ZBTB16: variants seen among roughly 807,000 people sequenced by gnomAD.
ZBTB16 encodes zinc finger and BTB domain containing 16, also known as zinc finger and BTB domain-containing protein 16.
In ZBTB16, 8 loss-of-function variants were observed where a neutral mutation model predicts 56.8. The ratio of observed to expected loss-of-function variants is 0.14; its 90% CI spans 0.08 to 0.25. ZBTB16 has a LOEUF of 0.25. Among genes scored for constraint, ZBTB16 ranks in the 10% least tolerant of loss-of-function variants. The pLI, the probability that ZBTB16 is intolerant of heterozygous loss-of-function variation, is 1.00. For synonymous variants in ZBTB16, 363 were observed against 368.5 expected (o/e 0.98, Z 0.17); for missense variants, 625 against 903.0 (o/e 0.69, Z 3.95).
chr11:114,227,361 C>T (rs1264802694), intron 4 of ZBTB16, among the ~76,000 whole-genome samples: 2 of 152,192 alleles, frequency 1.3e-5, no homozygotes, highest in Admixed American at 1.3e-4. Flanking sequence ...GCTGACGGAG[C>T]CCCTTAGAAC....
intron 3 of ZBTB16, among the ~76,000 whole-genome samples, chr11:114,177,382 CTGGGATTACAGGCA>C (rs1306791835): frequency 6.6e-6 from 1 of 152,156 alleles, no homozygotes; most frequent in African/African-American, 2.4e-5. Flanking sequence ...TCCCGAGTAG[CTGGGATTACAGGCA>C]TGTGCCACCA....
intron 4 of ZBTB16, among the ~76,000 whole-genome samples, chr11:114,210,162 A>AGTGTGTGT (rs139074973): frequency 1.2e-3 from 160 of 134,746 alleles, no homozygotes; most frequent in African/African-American, 2.5e-3. Flanking sequence ...AGCCAAAGCT[A>AGTGTGTGT]GTGTGTGTGT....
chr11:114,242,169 A>G lies in ZBTB16; in HGVS notation c.1456A>G (p.Thr486Ala), dbSNP rs776233271. 2 of 1,613,648 alleles carry G rather than the reference A, an allele frequency of 1.2e-6. No homozygotes were observed. Among genetic ancestry groups the G allele is most frequent in the South Asian group, 2.2e-5 (2 of 91,084 alleles). ...LETHRQTHTG[T>A]DMAVFCLLCG... Reference sequence around the variant, plus strand: ...ACCCCCTCTCCTGTCTCCCACAGGCACTGACATGGCCGTCTTCTGTCTGCT... The same window carrying G: ...ACCCCCTCTCCTGTCTCCCACAGGCGCTGACATGGCCGTCTTCTGTCTGCT... The change falls in exon 5 of 7, where the codon ACT becomes GCT. Residue 486 changes from threonine to alanine, a missense_variant and splice_region_variant. Physicochemically the swap from Thr to Ala is moderately conservative, Grantham distance 58. Coordinates refer to ENST00000335953, the MANE Select transcript of ZBTB16 (RefSeq NM_006006.6).
intron 3 of ZBTB16, among the ~76,000 whole-genome samples, chr11:114,161,253 G>A (rs560815291): frequency 5.3e-5 from 8 of 152,198 alleles, no homozygotes; most frequent in African/African-American, 1.9e-4. Context: ...AGCATGCCTA[G>A]AACTGCTTGT....
In ZBTB16 at chr11:114,253,529, T is replaced by G. The variant is rs1015440658; in HGVS notation, c.*2974T>G. ...ATGCAGTATTGTCGTAATCTGGTGT[T>G]GCAGCAATGGATGGTACTAAATCAG... is the stretch of plus-strand genomic sequence containing the variant. On this transcript the variant is annotated 3_prime_UTR_variant, in exon 7 of 7. Coordinates refer to ENST00000335953, the MANE Select transcript of ZBTB16 (RefSeq NM_006006.6). 3.3e-5 allele frequency among the ~76,000 whole-genome samples: 5 copies of G among 152,310 alleles called. No homozygotes were observed. Among genetic ancestry groups the G allele is most frequent in the Middle Eastern group, 3.4e-3 (1 of 294 alleles).
intron 4 of ZBTB16, among the ~76,000 whole-genome samples, chr11:114,197,113 A>G (rs1316010032): frequency 2.0e-5 from 3 of 152,220 alleles, no homozygotes; most frequent in Admixed American, 6.5e-5. Context: ...GTTCAGCCCA[A>G]GGTTCTCTCC....
Position 114,197,120 on chromosome 11 carries a change from C to T in ZBTB16, c.1453+10082C>T, listed in dbSNP as rs140661982. Among the ~76,000 whole-genome samples the T allele has an allele frequency of 2.4e-3, 363 of 152,338 alleles. 1 individual carries two copies. The highest frequency in any genetic ancestry group is 8.4e-3 in the African/African-American group (351 of 41,574). On this transcript the variant is annotated intron_variant, in intron 4 of 6. Transcript: ENST00000335953. ...GCCCACGAGTTCAGCCCAAGGTTCTCTCCACTGTGACTACAAAATAAGTAC... is the reference window on the plus strand; with the variant it reads ...GCCCACGAGTTCAGCCCAAGGTTCTTTCCACTGTGACTACAAAATAAGTAC...
chr11:114,225,461 A>T (rs1193622087), intron 4 of ZBTB16, among the ~76,000 whole-genome samples: 1 of 152,198 alleles, frequency 6.6e-6, no homozygotes, highest in Non-Finnish European at 1.5e-5. Context: ...TTTGAAGGCT[A>T]AGTCCAAGAT....
At chr11:114,213,384 T>G (rs678718) in intron 4 of ZBTB16, among the ~76,000 whole-genome samples, 149,646 of 152,340 alleles carry the variant, frequency 0.98, 73,584 homozygotes, top group Middle Eastern at 1. Context: ...ACAAAGAATT[T>G]TCTTCTAAAG....
chr11:114,137,872 G>A lies in ZBTB16; in HGVS notation c.1269-18465G>A, dbSNP rs138307409. Among the ~76,000 whole-genome samples the A allele has an allele frequency of 2.3e-3, 356 of 152,304 alleles. 1 individual carries two copies. The highest frequency in any genetic ancestry group is 8.3e-3 in the African/African-American group (345 of 41,574). ...ATAGGACAGAGGTGGGAAAGGTGCT[G>A]CCTGACTGCTCTGTGCACATCTGCA... On this transcript the variant is annotated intron_variant, in intron 2 of 6. Transcript: ENST00000335953.
intron 2 of ZBTB16, among the ~76,000 whole-genome samples, chr11:114,137,951 C>T (rs750131567): frequency 6.6e-6 from 1 of 152,178 alleles, no homozygotes; most frequent in Non-Finnish European, 1.5e-5. Context: ...GAGGACCGCT[C>T]AGGCAGGTGT....
intron 4 of ZBTB16, among the ~76,000 whole-genome samples, chr11:114,199,463 G>A (rs1456841904): frequency 6.6e-6 from 1 of 152,252 alleles, no homozygotes; most frequent in African/African-American, 2.4e-5. Flanking sequence ...TGGGCAGTGG[G>A]CAGGACACAG....
chr11:114,249,771 C>CAAAAAAAAAAAAAAAAA (rs55732116), intron 6 of ZBTB16, among the ~76,000 whole-genome samples: 4 of 59,318 alleles, frequency 6.7e-5, no homozygotes, highest in African/African-American at 3.2e-4. Context: ...GACTCCGTCT[C>CAAAAAAAAAAAAAAAAA]AAAAAAAAAA....
chr11:114,165,714 G>C (rs1942732055), intron 3 of ZBTB16, among the ~76,000 whole-genome samples: 1 of 152,128 alleles, frequency 6.6e-6, no homozygotes, highest in African/African-American at 2.4e-5. Context: ...CAGCTTTACT[G>C]GCTTCCGGGA....
intron 3 of ZBTB16, among the ~76,000 whole-genome samples, chr11:114,157,774 C>G (rs1942460235): frequency 6.6e-6 from 1 of 152,198 alleles, no homozygotes; most frequent in Non-Finnish European, 1.5e-5. Context: ...CCATTCTTCC[C>G]TCTTCCAGGC....
intron 2 of ZBTB16, among the ~76,000 whole-genome samples, chr11:114,067,057 AC>A (rs1010671621): frequency 4.0e-4 from 61 of 152,214 alleles, no homozygotes; most frequent in African/African-American, 1.3e-3. Context: ...GCTGTGAGCC[AC>A]CCCGCCCGGC....
At chr11:114,133,841 G>A (rs1441044478) in intron 2 of ZBTB16, among the ~76,000 whole-genome samples, 1 of 152,206 alleles carries the variant, frequency 6.6e-6, no homozygotes, top group African/African-American at 2.4e-5. Context: ...CGCAGACTAG[G>A]CTGATGGCCA....
intron 2 of ZBTB16, among the ~76,000 whole-genome samples, chr11:114,084,763 G>A (rs1319816454): frequency 6.6e-6 from 1 of 152,188 alleles, no homozygotes; most frequent in Non-Finnish European, 1.5e-5. Context: ...GGATCATCTG[G>A]GAATGTTGCT....
intron 2 of ZBTB16, among the ~76,000 whole-genome samples, chr11:114,154,346 C>T (rs1942350131): frequency 6.6e-6 from 1 of 152,128 alleles, no homozygotes. Flanking sequence ...AAACTGAAAC[C>T]CTTATGTTGC....
Sources: gnomAD v4.1 joint callset for allele counts (sites outside exome capture counted in the v4.1 genomes callset) on GRCh38, gnomAD v4.1.1 for gene constraint, MANE v1.5 for transcripts, NCBI Gene and HGNC (gene_info 2026-07-23, HGNC 2026-07-21) for gene names.